The following SLC9A2 variants were observed in gnomAD, a reference collection of about 807,000 sequenced individuals.
SLC9A2 encodes the protein sodium/hydrogen exchanger 2.
A neutral mutation model predicts 71.7 loss-of-function variants in SLC9A2; 42 were observed. The ratio of observed to expected loss-of-function variants is 0.59; its 90% CI spans 0.46 to 0.76. The LOEUF (loss-of-function observed/expected upper bound fraction) is 0.76, where lower values mean the gene tolerates loss of function less well. Among genes scored for constraint, SLC9A2 ranks in the 30% least tolerant of loss-of-function variants. The probability of loss-of-function intolerance (pLI) is 0.00; values close to 1 mark genes in which losing one functional copy is unlikely to be tolerated. For missense variants in SLC9A2, 829 were observed against 1,017.4 expected, an observed-to-expected ratio of 0.81 and a Z score of 2.52; for synonymous variants, 396 against 392.5, an observed-to-expected ratio of 1.01 and a Z score of -0.10.
chr2:102,701,263 T>C lies in SLC9A2; in HGVS notation c.1748+32T>C, dbSNP rs199599757. 2.7e-6 allele frequency: 4 copies of C among 1,483,698 alleles called. No individual in the cohort carries two copies. In the East Asian group the frequency reaches 9.2e-5, roughly 34 times the overall value. 91.9% of individuals were successfully genotyped at this position (1,483,698 alleles called of 1,614,324 possible). ...ATGGTCTTGCAAATAAAAGTTAGTATTGTTAAATAGGCATTGATAGTATTT... is the reference window on the plus strand; with the variant it reads ...ATGGTCTTGCAAATAAAAGTTAGTACTGTTAAATAGGCATTGATAGTATTT... On this transcript the variant is annotated intron_variant, in intron 8 of 11. Transcript: ENST00000233969.
chr2:102,684,516 A>G (rs915917906), intron 5 of SLC9A2, among the ~76,000 whole-genome samples, 180 bp downstream of exon 5: 1 of 152,204 alleles, frequency 6.6e-6, no homozygotes, highest in Admixed American at 6.5e-5. Context: ...AGAGAGTCCA[A>G]TTTGGTCACT....
In SLC9A2 at chr2:102,709,213, C is replaced by T. The variant is rs1174642686; in HGVS notation, c.*724C>T. The T allele has an allele frequency of 2.0e-5, 3 of 152,398 alleles. No individual in the cohort carries two copies. Among genetic ancestry groups the T allele is most frequent in the African/African-American group, 7.2e-5 (3 of 41,452 alleles). The allele number at this position is 152,398 out of a possible 1,614,324, so 9.4% of individuals were successfully genotyped here. On this transcript the variant is annotated 3_prime_UTR_variant, in exon 12 of 12. Transcript: ENST00000233969. ...GGGTGACATCTAAATTCCATTTCTT[C>T]TTCTTGTTTAAATGGTGCAGAGAGA...
intron 1 of SLC9A2, among the ~76,000 whole-genome samples, chr2:102,625,687 A>C (rs1232780480): frequency 1.1e-4 from 17 of 152,146 alleles, no homozygotes; most frequent in Non-Finnish European, 7.3e-5. Context: ...TCCATGGTGT[A>C]TATGTGCCAC....
intron 10 of SLC9A2, among the ~76,000 whole-genome samples, chr2:102,705,557 A>G (rs1270037474): frequency 6.6e-6 from 1 of 151,702 alleles, no homozygotes; most frequent in Non-Finnish European, 1.5e-5. Context: ...GTACTTTTAT[A>G]CATAGATGTT....
Position 102,657,974 on chromosome 2 carries a change from C to A in SLC9A2, c.700C>A (p.Gln234Lys), listed in dbSNP as rs776918709. Reference protein sequence around the residue: ...AVFENIHVNEQLYILVFGESL... With the variant: ...AVFENIHVNEKLYILVFGESL... ...CTTTGAGAACATTCACGTCAATGAG[C>A]AGCTCTACATCCTGGTCTTTGGAGA... Residue 234 changes from glutamine (Q) to lysine (K), a missense_variant, in exon 2 of 12, where the codon CAG becomes AAG. Gln to Lys is a moderately conservative substitution (Grantham distance 53). Transcript: ENST00000233969. 4 of 1,613,912 alleles carry A rather than the reference C, an allele frequency of 2.5e-6. No homozygotes were observed. In the South Asian group the frequency reaches 4.4e-5, roughly 18 times the overall value.
chr2:102,626,243 AAC>A (rs1676244263), intron 1 of SLC9A2, among the ~76,000 whole-genome samples: 1 of 152,210 alleles, frequency 6.6e-6, no homozygotes. Flanking sequence ...AATGGAGCAG[AAC>A]ACAGCCCTCA....
At chr2:102,698,001 G>T (rs900596676) in intron 7 of SLC9A2, among the ~76,000 whole-genome samples, 9 of 151,850 alleles carry the variant, frequency 5.9e-5, no homozygotes, top group African/African-American at 2.2e-4. Flanking sequence ...GAAATGAAAG[G>T]TGTGGAAATG....
At chr2:102,632,101 TAC>T (rs1333314796) in intron 1 of SLC9A2, among the ~76,000 whole-genome samples, 1 of 126,212 alleles carries the variant, frequency 7.9e-6, no homozygotes, top group African/African-American at 3.3e-5. Context: ...CACATATATA[TAC>T]ATATATATGT....
Position 102,706,285 on chromosome 2 carries a change from G to T in SLC9A2, c.2068+349G>T, listed in dbSNP as rs553609238. 0.021 allele frequency among the ~76,000 whole-genome samples: 174 copies of T among 8,470 alleles called. 64 individuals carry two copies. In the South Asian group the frequency reaches 0.32, roughly 16 times the overall value. 5.6% of individuals were successfully genotyped at this position (8,470 alleles called of 152,430 possible). On this transcript the variant is annotated intron_variant, in intron 11 of 11. Coordinates refer to ENST00000233969, the MANE Select transcript of SLC9A2 (RefSeq NM_003048.6). ...AGTGAGCCGAGATTGCGCCATTGCA[G>T]TCCGCAGTCCGGCCTGGGCAACAGA... is the stretch of plus-strand genomic sequence containing the variant.
intron 3 of SLC9A2, among the ~76,000 whole-genome samples, chr2:102,682,113 T>A (rs756937110): frequency 4.6e-5 from 7 of 152,192 alleles, no homozygotes; most frequent in Admixed American, 3.3e-4. Flanking sequence ...ATGGCATGGT[T>A]ACCACTGAGT....
At chr2:102,671,225 T>A (rs1677246000) in intron 3 of SLC9A2, among the ~76,000 whole-genome samples, 2 of 151,806 alleles carry the variant, frequency 1.3e-5, no homozygotes, top group South Asian at 4.1e-4. Context: ...TCTCACTGGG[T>A]CATTGTACGT....
intron 2 of SLC9A2, among the ~76,000 whole-genome samples, chr2:102,661,930 A>C (rs748528767): frequency 2.6e-5 from 4 of 152,230 alleles, no homozygotes; most frequent in Admixed American, 6.5e-5. Context: ...AATACAATTA[A>C]AGGATTTAAC....
intron 3 of SLC9A2, among the ~76,000 whole-genome samples, chr2:102,667,273 T>C (rs1677159425): frequency 6.6e-6 from 1 of 152,220 alleles, no homozygotes; most frequent in Admixed American, 6.5e-5. Context: ...GACCAGCTAG[T>C]TACTAGGTCT....
intron 1 of SLC9A2, among the ~76,000 whole-genome samples, chr2:102,624,683 T>G (rs1001808287): frequency 2.0e-5 from 3 of 152,196 alleles, no homozygotes; most frequent in African/African-American, 7.2e-5. Flanking sequence ...TCCTTTCAAG[T>G]GTCACTGGTC....
Position 102,689,053 on chromosome 2 carries a change from C to T in SLC9A2, c.1425+4717C>T, listed in dbSNP as rs894795499. Among the ~76,000 whole-genome samples the T allele has an allele frequency of 7.2e-5, 11 of 152,220 alleles. 1 individual carries two copies. The highest frequency in any genetic ancestry group is 5.8e-4 in the East Asian group (3 of 5,164). ...TATTATACTTGTAAGCTAACAAGTT[C>T]GCCTGTTACTATTTCATGAATGCTA... On this transcript the variant is annotated intron_variant, in intron 5 of 11. Coordinates refer to ENST00000233969, the MANE Select transcript of SLC9A2 (RefSeq NM_003048.6).
At chr2:102,639,111 G>C (rs554351754) in intron 1 of SLC9A2, among the ~76,000 whole-genome samples, 2 of 152,310 alleles carry the variant, frequency 1.3e-5, no homozygotes, top group African/African-American at 4.8e-5. Context: ...TTGAGCCTAG[G>C]AGCTGGAGGC....
Position 102,620,049 on chromosome 2 carries a change from G to A in SLC9A2, c.201G>A (p.Arg67=), listed in dbSNP as rs753424766. ...APGTTLFEES[R]LPVFTLDYPH... is the part of the protein sequence containing the mutation. ...GAACGACGCTGTTCGAGGAGAGCCGGCTGCCTGTGTTTACGCTGGATTACC... is the reference window on the plus strand; with the variant it reads ...GAACGACGCTGTTCGAGGAGAGCCGACTGCCTGTGTTTACGCTGGATTACC... Residue 67 remains arginine (R), a synonymous_variant, in exon 1 of 12, where the codon CGG becomes CGA. Coordinates refer to ENST00000233969, the MANE Select transcript of SLC9A2 (RefSeq NM_003048.6). 6.2e-7 allele frequency: 1 copy of A among 1,614,028 alleles called. No individual in the cohort carries two copies. Among genetic ancestry groups the A allele is most frequent in the South Asian group, 1.1e-5 (1 of 91,054 alleles).
chr2:102,678,391 C>T (rs989658713), intron 3 of SLC9A2, among the ~76,000 whole-genome samples: 3 of 150,534 alleles, frequency 2.0e-5, no homozygotes, highest in Non-Finnish European at 4.4e-5. Context: ...AATTCAATGA[C>T]ATGAGCTAAT....
At chr2:102,664,259 G>T (rs1360140096) in intron 2 of SLC9A2, among the ~76,000 whole-genome samples, 2 of 149,042 alleles carry the variant, frequency 1.3e-5, no homozygotes, top group East Asian at 3.9e-4. Context: ...TCCAGCCTGA[G>T]TGAGAGTGAG....
Sources: gnomAD v4.1 joint callset for allele counts (sites outside exome capture counted in the v4.1 genomes callset) on GRCh38, gnomAD v4.1.1 for gene constraint, MANE v1.5 for transcripts, NCBI Gene and HGNC (gene_info 2026-07-23, HGNC 2026-07-21) for gene names.